Variants in ZSCAN32 observed in about 807,000 individuals in gnomAD.
ZSCAN32 encodes zinc finger and SCAN domain containing 32, also known as zinc finger and SCAN domain-containing protein 32.
A neutral mutation model predicts 47.4 loss-of-function variants in ZSCAN32; 52 were observed. The ratio of observed to expected loss-of-function variants is 1.10; its 90% CI spans 0.88 to 1.38. The LOEUF (loss-of-function observed/expected upper bound fraction) is 1.38, where lower values mean the gene tolerates loss of function less well. Among genes scored for constraint, ZSCAN32 ranks in the 40% most tolerant of loss-of-function variants. The pLI is 0.00. For missense variants in ZSCAN32, 959 were observed against 846.0 expected (o/e 1.13, Z -1.66); for synonymous variants, 346 against 305.7 (o/e 1.13, Z -1.38).
intron 1 of ZSCAN32, among the ~76,000 whole-genome samples, chr16:3,400,615 T>C (rs540219594): frequency 6.6e-6 from 1 of 152,346 alleles, no homozygotes; most frequent in East Asian, 1.9e-4. Flanking sequence ...TAACTATTTA[T>C]TGAGTACTCA....
Position 3,393,210 on chromosome 16 carries a change from A to T in ZSCAN32, c.532+439T>A, listed in dbSNP as rs1180176688. On this transcript the variant is annotated intron_variant, in intron 3 of 6. Transcript: ENST00000396852. ...TATATTTATATATATATTTATATTTATATATATATATATATATAAATTTAT... is the reference window on the plus strand; with the variant it reads ...TATATTTATATATATATTTATATTTTTATATATATATATATATAAATTTAT... 2.3e-4 allele frequency among the ~76,000 whole-genome samples: 5 copies of T among 21,278 alleles called. 1 individual carries two copies. In the East Asian group the frequency reaches 3.5e-3, roughly 15 times the overall value. 14.0% of individuals were successfully genotyped at this position (21,278 alleles called of 152,430 possible).
intron 5 of ZSCAN32, among the ~76,000 whole-genome samples, chr16:3,388,101 A>G (rs558567813): frequency 1.3e-5 from 2 of 152,224 alleles, no homozygotes; most frequent in African/African-American, 4.8e-5. Flanking sequence ...ATACAATAAA[A>G]ATGCAACCGA....
chr16:3,384,124 T>C (rs115558113), intron 6 of ZSCAN32: 2 of 519,216 alleles, frequency 3.9e-6, no homozygotes, highest in African/African-American at 1.9e-5. Context: ...CCAGCCAGCA[T>C]AGGCTCAGGC....
chr16:3,393,532 G>T (rs543863917), intron 3 of ZSCAN32, 117 bp downstream of exon 3: 1 of 1,039,680 alleles, frequency 9.6e-7, no homozygotes, highest in Non-Finnish European at 1.3e-6. Flanking sequence ...GCCGGTTTTT[G>T]GATGTATTTC....
At chr16:3,386,412 A>G (rs1397288930) in intron 5 of ZSCAN32, among the ~76,000 whole-genome samples, 2 of 152,080 alleles carry the variant, frequency 1.3e-5, no homozygotes, top group Non-Finnish European at 1.5e-5. Context: ...AACCAGAAAT[A>G]CCATTTGACC....
At chr16:3,393,208 TTA>T (rs369814763) in intron 3 of ZSCAN32, among the ~76,000 whole-genome samples, 1,284 of 11,836 alleles carry the variant, frequency 0.11, 466 homozygotes, top group Non-Finnish European at 0.13. Flanking sequence ...ATATTTATAT[TTA>T]TATATATATA....
At position 3,384,791 on chromosome 16, in the gene ZSCAN32, C is replaced by T. The variant is rs368707453; in HGVS notation, c.902G>A (p.Arg301Gln). ...CTTGGTGCGACACTGTTCTGGGGTCCGCAGAAAACCCTGCTCCCAGAGTCC... is the reference window on the plus strand; with the variant it reads ...CTTGGTGCGACACTGTTCTGGGGTCTGCAGAAAACCCTGCTCCCAGAGTCC... ...AEGLWEQGFLRTPEQCRTKFK... is the reference protein window; with the variant it reads ...AEGLWEQGFLQTPEQCRTKFK... Residue 301 changes from arginine (R) to glutamine (Q), a missense_variant, in exon 6 of 7, where the codon CGG becomes CAG. By Grantham distance (43) the Arg-to-Gln change is conservative. Transcript: ENST00000396852. 2.5e-5 allele frequency: 40 copies of T among 1,614,156 alleles called. No individual in the cohort carries two copies. The highest frequency in any genetic ancestry group is 1.7e-4 in the Middle Eastern group (1 of 6,058).
At chr16:3,388,465 C>T (rs189826005) in intron 5 of ZSCAN32, among the ~76,000 whole-genome samples, 35 of 152,348 alleles carry the variant, frequency 2.3e-4, no homozygotes, top group Admixed American at 2.0e-3. Context: ...TCTCCCATTG[C>T]GCTTATCGCC....
In ZSCAN32 at chr16:3,383,075, C is replaced by T. The variant is rs147085419; in HGVS notation, c.1871G>A (p.Arg624Gln). 221 of 1,614,116 alleles carry T rather than the reference C, an allele frequency of 1.4e-4. No homozygotes were observed. The highest frequency in any genetic ancestry group is 1.6e-4 in the Non-Finnish European group (192 of 1,180,012). ...FNNSSQFSAH[R>Q]RIHTGESPYK... ...TGGGCTCTCCCCAGTGTGGATGCGCCGGTGAGCACTGAACTGGGAACTGTT... is the reference window on the plus strand; with the variant it reads ...TGGGCTCTCCCCAGTGTGGATGCGCTGGTGAGCACTGAACTGGGAACTGTT... Residue 624 changes from arginine (R) to glutamine (Q), a missense_variant, in exon 7 of 7, where the codon CGG (arginine) becomes CAG (glutamine). Physicochemically the swap from Arg to Gln is conservative, Grantham distance 43 (BLOSUM62 1). Coordinates refer to ENST00000396852, the MANE Select transcript of ZSCAN32 (RefSeq NM_001284527.2).
intron 1 of ZSCAN32, among the ~76,000 whole-genome samples, chr16:3,399,116 G>A (rs569874160): frequency 1.3e-5 from 2 of 152,194 alleles, no homozygotes; most frequent in East Asian, 1.9e-4. Context: ...GCAGCTACTC[G>A]GGAGGCTGAG....
At chr16:3,393,895 A>T (rs2033112874) in intron 2 of ZSCAN32, 81 bp from the exon 3 acceptor site, 8 of 1,259,130 alleles carry the variant, frequency 6.4e-6, no homozygotes, top group African/African-American at 1.5e-5. Flanking sequence ...GCATTAAAAA[A>T]TGTGTAACAT....
Position 3,397,511 on chromosome 16 carries a change from T to C in ZSCAN32, c.47A>G (p.Lys16Arg). The change falls in exon 2 of 7, where the codon AAG (lysine) becomes AGG (arginine). Residue 16 changes from lysine (K) to arginine (R), a missense_variant. By Grantham distance (26) the Lys-to-Arg change is conservative (BLOSUM62 2). Transcript: ENST00000396852. ...KSTEAHPSSN[K>R]DPTQGQKSAL... Reference sequence around the variant, plus strand: ...TGATTTCTGGCCCTGTGTGGGATCCTTGTTTGAGGATGGGTGTGCCTCGGT... The same window carrying C: ...TGATTTCTGGCCCTGTGTGGGATCCCTGTTTGAGGATGGGTGTGCCTCGGT... 6 of 1,549,974 alleles carry C rather than the reference T, an allele frequency of 3.9e-6. No individual in the cohort carries two copies. The highest frequency in any genetic ancestry group is 2.0e-5 in the Admixed American group (1 of 50,970).
intron 5 of ZSCAN32, 73 bp from the exon 6 acceptor site, chr16:3,385,014 G>C (rs1356154973): frequency 1.3e-6 from 2 of 1,515,630 alleles, no homozygotes; most frequent in Non-Finnish European, 1.8e-6. Flanking sequence ...GCAGTGTGCA[G>C]TTTTGGCAGC....
intron 3 of ZSCAN32, among the ~76,000 whole-genome samples, chr16:3,391,228 C>T (rs1235168382): frequency 6.6e-6 from 1 of 152,160 alleles, no homozygotes; most frequent in Admixed American, 6.5e-5. Context: ...TGGAAGGCAG[C>T]AAGTCCTGCT....
Position 3,386,232 on chromosome 16 carries a change from T to C in ZSCAN32, c.752-1291A>G, listed in dbSNP as rs576964251. On this transcript the variant is annotated intron_variant, in intron 5 of 6. Transcript: ENST00000396852. The stretch of plus-strand genomic sequence containing the variant: ...CCATCAGAGAAATGCAAATCAAAAC[T>C]ACAATGAGATACCATCTCACACCAG... Among the ~76,000 whole-genome samples the C allele has an allele frequency of 8.9e-3, 1,358 of 152,086 alleles. 22 individuals are homozygous for C. The highest frequency in any genetic ancestry group is 0.03 in the African/African-American group (1,227 of 41,422).
At position 3,384,987 on chromosome 16, in the gene ZSCAN32, G is replaced by A. The variant is rs183768596; in HGVS notation, c.752-46C>T. The A allele has an allele frequency of 3.2e-6, 5 of 1,582,818 alleles. No individual in the cohort carries two copies. In the African/African-American group the frequency reaches 6.7e-5, roughly 21 times the overall value. ...CAATTAGATCTGTCAGTTAGATCAT[G>A]GAGGACTGTACATACTGCAGTGTGC... On this transcript the variant is annotated intron_variant, in intron 5 of 6. Transcript: ENST00000396852.
At chr16:3,390,367 G>C (rs953686156) in intron 4 of ZSCAN32, 56 bp downstream of exon 4, 6 of 1,463,718 alleles carry the variant, frequency 4.1e-6, no homozygotes, top group Non-Finnish European at 5.5e-6. Context: ...GAAAGGAGGA[G>C]GGTTTTGGGG....
At chr16:3,385,348 C>T (rs890465729) in intron 5 of ZSCAN32, among the ~76,000 whole-genome samples, 7 of 152,194 alleles carry the variant, frequency 4.6e-5, no homozygotes, top group East Asian at 3.9e-4. Context: ...AAATCAATAT[C>T]GTGAAAATGG....
At chr16:3,393,992 G>C (rs975515083) in intron 2 of ZSCAN32, among the ~76,000 whole-genome samples, 178 bp from the exon 3 acceptor site, 1 of 152,210 alleles carries the variant, frequency 6.6e-6, no homozygotes, top group African/African-American at 2.4e-5. Context: ...TTGAGGGGCA[G>C]TAGCTTACGC....
Sources: gnomAD v4.1 joint callset for allele counts (sites outside exome capture counted in the v4.1 genomes callset) on GRCh38, gnomAD v4.1.1 for gene constraint, MANE v1.5 for transcripts, NCBI Gene and HGNC (gene_info 2026-07-23, HGNC 2026-07-21) for gene names.